The following DMD variants were observed in gnomAD, a reference collection of about 807,000 sequenced individuals.
DMD encodes mutant dystrophin.
Under a neutral mutation model 330.1 loss-of-function variants are expected in DMD, and 63 were observed. The ratio of observed to expected loss-of-function variants is 0.19; its 90% CI spans 0.16 to 0.24. The LOEUF is 0.24. Among genes scored for constraint, DMD ranks in the 10% least tolerant of loss-of-function variants. The pLI, the probability that DMD is intolerant of heterozygous loss-of-function variation, is 1.00. For synonymous variants in DMD, 1,223 were observed against 959.8 expected, an observed-to-expected ratio of 1.27 and a Z score of -5.07; for missense variants, 3,344 against 2,684.1, an observed-to-expected ratio of 1.25 and a Z score of -5.43.
At chrX:32,669,277 T>C (rs2061493488) in intron 9 of DMD, among the ~76,000 whole-genome samples, 1 of 111,621 alleles carries the variant, frequency 9.0e-6, no homozygotes, top group Non-Finnish European at 1.9e-5. Flanking sequence ...CAAGTATACT[T>C]CTAAAACAGT....
At chrX:31,676,104 T>C (rs1397949637) in intron 53 of DMD, among the ~76,000 whole-genome samples, 2 of 112,276 alleles carry the variant, frequency 1.8e-5, no homozygotes, top group African/African-American at 6.5e-5. Context: ...CTGGCTGCTG[T>C]AATCACAGCT....
rs758238229 is a variant in DMD at position 31,410,921 on chromosome X, GTT to G, written c.9084+33558_9084+33559del. ...ACCTGGCTAATTTTTCTGTGTGTGT[GTT>G]TTTTTTTTTTTTTTTTTTTTTCAGT... is the stretch of plus-strand genomic sequence containing the variant. On this transcript the variant is annotated intron_variant, in intron 60 of 78. Coordinates refer to ENST00000357033, the MANE Select transcript of DMD (RefSeq NM_004006.3). Among the ~76,000 whole-genome samples the G allele has an allele frequency of 3.7e-4, 22 of 59,790 alleles. 1 individual carries two copies. The East Asian group carries it at 0.011, about 29-fold the overall frequency. The allele number at this position is 59,790 out of a possible 115,157, so 51.9% of individuals were successfully genotyped here.
intron 7 of DMD, among the ~76,000 whole-genome samples, chrX:32,723,535 A>T (rs1217975677): frequency 9.0e-6 from 1 of 111,590 alleles, no homozygotes; most frequent in Admixed American, 9.6e-5. Context: ...GAGGAGAAGT[A>T]GGTCAAAGGA....
Position 32,747,104 on chromosome X carries a change from ATGG to A in DMD, c.650-47814_650-47812del, listed in dbSNP as rs1164313754. ...TATTTTTAAATTCATTTATCTGTTAATGGACACTTAGGTTGATTCCGTATCTCA... is the reference window on the plus strand; with the variant it reads ...TATTTTTAAATTCATTTATCTGTTAAACACTTAGGTTGATTCCGTATCTCA... On this transcript the variant is annotated intron_variant, in intron 7 of 78. Coordinates refer to ENST00000357033, the MANE Select transcript of DMD (RefSeq NM_004006.3). 9.8e-5 allele frequency among the ~76,000 whole-genome samples: 11 copies of A among 111,899 alleles called. No homozygotes were observed. In the East Asian group the frequency reaches 2.0e-3, roughly 20 times the overall value.
intron 9 of DMD, among the ~76,000 whole-genome samples, chrX:32,664,196 C>CAGATTCTG (rs1395293915): frequency 9.3e-6 from 1 of 107,372 alleles, no homozygotes; most frequent in Non-Finnish European, 1.9e-5. Flanking sequence ...CAGAAGTGAT[C>CAGATTCTG]AGATTCTGGA....
At chrX:31,125,170 C>CA (rs1220098372) in intron 78 of DMD, among the ~76,000 whole-genome samples, 1 of 111,552 alleles carries the variant, frequency 9.0e-6, no homozygotes, top group East Asian at 2.8e-4. Flanking sequence ...CATTTTTCTA[C>CA]AAAAAGTTAA....
chrX:32,677,288 CTT>C (rs1232863944), intron 9 of DMD, among the ~76,000 whole-genome samples: 2 of 111,152 alleles, frequency 1.8e-5, no homozygotes, highest in Non-Finnish European at 3.8e-5. Context: ...CAATTAAACT[CTT>C]TTATATCTTA....
At chrX:32,634,330 G>A (rs1188159675) in intron 11 of DMD, among the ~76,000 whole-genome samples, 2 of 111,614 alleles carry the variant, frequency 1.8e-5, no homozygotes, top group Non-Finnish European at 3.8e-5. Flanking sequence ...CTGCCCCACT[G>A]TGGTCAAACT....
chrX:31,969,199 CT>C (rs2095377509), intron 44 of DMD, among the ~76,000 whole-genome samples: 1 of 111,291 alleles, frequency 9.0e-6, no homozygotes, highest in Non-Finnish European at 1.9e-5. Context: ...ATATTGTTTA[CT>C]TTTTTCCTGA....
intron 7 of DMD, among the ~76,000 whole-genome samples, chrX:32,703,659 A>G (rs2064336860): frequency 1.8e-5 from 2 of 111,630 alleles, no homozygotes; most frequent in African/African-American, 6.5e-5. Context: ...TGACTGCACT[A>G]AGGCCAATTC....
In DMD at chrX:32,767,023, A is replaced by G. The variant is rs144421027; in HGVS notation, c.649+42470T>C. ...GCATTAATACATACCATTAAACAAAACTACTCCGCATTATAGGCATAGTAA... is the reference window on the plus strand; with the variant it reads ...GCATTAATACATACCATTAAACAAAGCTACTCCGCATTATAGGCATAGTAA... On this transcript the variant is annotated intron_variant, in intron 7 of 78. Transcript: ENST00000357033. 4.5e-3 allele frequency among the ~76,000 whole-genome samples: 508 copies of G among 111,709 alleles called. 4 individuals are homozygous for G. The highest frequency in any genetic ancestry group is 0.016 in the African/African-American group (484 of 30,850).
At chrX:31,491,288 G>A (rs1323595446) in intron 57 of DMD, among the ~76,000 whole-genome samples, 1 of 112,217 alleles carries the variant, frequency 8.9e-6, no homozygotes, top group East Asian at 2.8e-4. Context: ...GTTCTCCTTA[G>A]AAATTCCCCA....
chrX:32,143,017 C>A (rs779343420), intron 44 of DMD, among the ~76,000 whole-genome samples: 1 of 110,884 alleles, frequency 9.0e-6, no homozygotes, highest in Admixed American at 9.7e-5. Context: ...GATTTGCATA[C>A]ACTGTTTGGA....
intron 11 of DMD, among the ~76,000 whole-genome samples, chrX:32,631,399 T>C (rs1010293494): frequency 4.5e-5 from 5 of 111,941 alleles, no homozygotes; most frequent in African/African-American, 1.6e-4. Context: ...CCAATGAAGC[T>C]TGTGTTTTTC....
intron 62 of DMD, among the ~76,000 whole-genome samples, chrX:31,290,136 G>A (rs754952946): frequency 1.1e-3 from 118 of 109,577 alleles, no homozygotes; most frequent in African/African-American, 3.8e-3. Context: ...GGCCAGGCTG[G>A]TCTTGAACTC....
intron 43 of DMD, among the ~76,000 whole-genome samples, chrX:32,251,620 A>G (rs1264130539): frequency 2.7e-5 from 3 of 111,411 alleles, no homozygotes; most frequent in Non-Finnish European, 5.6e-5. Flanking sequence ...CTAAGTGGCC[A>G]TTCTGTTTTC....
intron 37 of DMD, among the ~76,000 whole-genome samples, chrX:32,349,597 A>G (rs949401150): frequency 1.8e-5 from 2 of 111,507 alleles, no homozygotes; most frequent in African/African-American, 6.5e-5. Context: ...TTAGATGGCA[A>G]CTTCTGGTGA....
chrX:32,984,075 T>A (rs748396091), intron 2 of DMD, among the ~76,000 whole-genome samples: 1 of 111,540 alleles, frequency 9.0e-6, no homozygotes, highest in Non-Finnish European at 1.9e-5. Flanking sequence ...GAAAATTCCA[T>A]GTTATTAAAA....
chrX:32,186,190 T>G (rs2147519739), intron 44 of DMD, among the ~76,000 whole-genome samples: 1 of 110,983 alleles, frequency 9.0e-6, no homozygotes, highest in South Asian at 3.8e-4. Flanking sequence ...TGTTGTTTTC[T>G]TCCATTAATC....
Sources: allele counts gnomAD v4.1 joint callset (sites outside exome capture counted in the v4.1 genomes callset), GRCh38; gene constraint gnomAD v4.1.1; transcripts MANE v1.5; gene names NCBI Gene and HGNC (gene_info 2026-07-23, HGNC 2026-07-21).